Variants in ME2 observed in about 807,000 individuals in gnomAD.
ME2 encodes NAD-dependent malic enzyme, mitochondrial.
ME2 carries 60 observed loss-of-function variants against 73.7 expected under a neutral mutation model. That is an observed-to-expected ratio of 0.81 (90% confidence interval 0.66 to 1.01). The LOEUF (loss-of-function observed/expected upper bound fraction) is 1.01, where lower values mean the gene tolerates loss of function less well. Among genes scored for constraint, ME2 ranks in the 50% least tolerant of loss-of-function variants. The probability of loss-of-function intolerance (pLI) is 0.00; values close to 1 mark genes in which losing one functional copy is unlikely to be tolerated. For missense variants in ME2, 594 were observed against 705.5 expected (o/e 0.84, Z 1.79); for synonymous variants, 199 against 236.9 (o/e 0.84, Z 1.47).
chr18:50,924,136 TACTC>T lies in ME2; in HGVS notation c.1101_1104del (p.His367GlnfsTer14). 6.2e-7 allele frequency: 1 copy of T among 1,613,574 alleles called. No individual in the cohort carries two copies. Among genetic ancestry groups the T allele is most frequent in the Non-Finnish European group, 8.5e-7 (1 of 1,179,734 alleles). ...AAATAGATAGTTATCAGGAACCATT[TACTC>T]ACTCAGCCCCAGAGAGCATACCTGA... On this transcript the variant is annotated frameshift_variant, in exon 11 of 16. Coordinates refer to ENST00000321341, the MANE Select transcript of ME2 (RefSeq NM_002396.5). LOFTEE classifies it high-confidence loss of function.
chr18:50,895,527 G>C (rs1916717408), intron 1 of ME2, among the ~76,000 whole-genome samples: 4 of 152,132 alleles, frequency 2.6e-5, no homozygotes, highest in Admixed American at 2.6e-4. Context: ...GTTACAAGTG[G>C]GAGATGCATA....
chr18:50,900,315 G>C (rs1183600053), intron 2 of ME2, among the ~76,000 whole-genome samples: 1 of 148,094 alleles, frequency 6.8e-6, no homozygotes, highest in East Asian at 2.0e-4. Flanking sequence ...TATTTATTGA[G>C]ATGGAGTCTC....
rs1045501608 is a variant in ME2, at chr18:50,953,500, A to G, written c.*6316A>G. 6.6e-6 allele frequency: 1 copy of G among 152,240 alleles called. No homozygotes were observed. The highest frequency in any genetic ancestry group is 1.5e-5 in the Non-Finnish European group (1 of 68,038). The allele number at this position is 152,240 out of a possible 1,614,324, so 9.4% of individuals were successfully genotyped here. On this transcript the variant is annotated 3_prime_UTR_variant, in exon 16 of 16. Coordinates refer to ENST00000321341, the MANE Select transcript of ME2 (RefSeq NM_002396.5). Reference sequence around the variant, plus strand: ...TCATTTAGTCTTCAGCATTTTAAGTATTCGACACGAACATTAAAGATTTGG... The same window carrying G: ...TCATTTAGTCTTCAGCATTTTAAGTGTTCGACACGAACATTAAAGATTTGG...
chr18:50,902,643 C>T (rs563884563), intron 2 of ME2, among the ~76,000 whole-genome samples: 72 of 152,228 alleles, frequency 4.7e-4, no homozygotes, highest in Non-Finnish European at 7.8e-4. Flanking sequence ...GTGATCCACT[C>T]GCCTCAGCCT....
rs57428974 is a variant in ME2, at chr18:50,941,353, C to CTTTTTTTTTTTTTTTTTTTTTTTT, written c.1587+975_1587+998dup. ...TCTTTGTGTGTATTTGTGATGGTTT[C>CTTTTTTTTTTTTTTTTTTTTTTTT]TTTTTTTTTTTTTTTTTTTTTTTTT... On this transcript the variant is annotated intron_variant, in intron 15 of 15. Transcript: ENST00000321341. Among the ~76,000 whole-genome samples the CTTTTTTTTTTTTTTTTTTTTTTTT allele has an allele frequency of 1.4e-4, 9 of 63,846 alleles. 3 individuals are homozygous for CTTTTTTTTTTTTTTTTTTTTTTTT. Among genetic ancestry groups the CTTTTTTTTTTTTTTTTTTTTTTTT allele is most frequent in the African/African-American group, 3.2e-4 (4 of 12,428 alleles). The allele number at this position is 63,846 out of a possible 152,430, so 41.9% of individuals were successfully genotyped here.
intron 14 of ME2, chr18:50,939,880 A>G (rs1371802493): frequency 8.6e-6 from 4 of 467,396 alleles, no homozygotes; most frequent in South Asian, 2.9e-5. Flanking sequence ...TGCAATTTGT[A>G]TATCTGAATA....
chr18:50,921,222 G>A (rs1460908759), intron 10 of ME2, 35 bp downstream of exon 10: 3 of 1,078,776 alleles, frequency 2.8e-6, no homozygotes, highest in South Asian at 1.5e-5. Context: ...GCAAAAGAGT[G>A]TATTATATTT....
rs780873994 is a variant in ME2, at chr18:50,939,592, C to G, written c.1440C>G (p.Leu480=). 7.4e-6 allele frequency: 12 copies of G among 1,612,198 alleles called. No homozygotes were observed. The South Asian group carries it at 1.1e-4, about 15-fold the overall frequency. ...IFPGVALAVI[L]CNTRHISDSV... ...TAGGTGTGGCTTTAGCTGTTATTCT[C>G]TGTAACACCCGGCATATTAGTGACA... The change falls in exon 14 of 16, where the codon CTC becomes CTG. Residue 480 remains leucine (L), a synonymous_variant. Transcript: ENST00000321341.
intron 4 of ME2, among the ~76,000 whole-genome samples, chr18:50,915,015 C>T (rs1441235400): frequency 1.3e-5 from 2 of 152,266 alleles, no homozygotes; most frequent in South Asian, 2.1e-4. Flanking sequence ...GACCCTTGAA[C>T]AACACAGGTG....
intron 12 of ME2, among the ~76,000 whole-genome samples, chr18:50,928,371 G>A (rs1239137821): frequency 6.6e-5 from 10 of 151,086 alleles, no homozygotes; most frequent in Admixed American, 1.3e-4. Context: ...TCAGCCTCCC[G>A]AGTAGCTGGG....
In ME2 at chr18:50,947,127, G is replaced by A. The variant is rs138216460; in HGVS notation, c.1698G>A (p.Leu566=). ...GGCGGAGTGAATATGATTCCCTGCT[G>A]CCAGATGTGTATGAATGGCCAGAAT... ...RTWRSEYDSL[L]PDVYEWPESA... Residue 566 remains leucine (L), a synonymous_variant, in exon 16 of 16, where the codon CTG becomes CTA. Coordinates refer to ENST00000321341, the MANE Select transcript of ME2 (RefSeq NM_002396.5). The A allele has an allele frequency of 6.2e-7, 1 of 1,613,846 alleles. No homozygotes were observed. Among genetic ancestry groups the A allele is most frequent in the Admixed American group, 1.7e-5 (1 of 60,002 alleles).
At chr18:50,931,648 G>A (rs973472389) in intron 12 of ME2, among the ~76,000 whole-genome samples, 16 of 151,508 alleles carry the variant, frequency 1.1e-4, no homozygotes, top group South Asian at 4.2e-4. Context: ...TTTATTGGCC[G>A]TCTACATTTT....
chr18:50,925,943 A>T (rs756553775), intron 12 of ME2, 45 bp downstream of exon 12: 5 of 1,364,796 alleles, frequency 3.7e-6, no homozygotes. Context: ...TTTTCCCTCC[A>T]CTAGCTTATT....
intron 13 of ME2, among the ~76,000 whole-genome samples, chr18:50,936,916 G>A (rs908835467): frequency 6.6e-6 from 1 of 152,098 alleles, no homozygotes; most frequent in African/African-American, 2.4e-5. Context: ...GGGCAATAGA[G>A]CGAGACCCTG....
At chr18:50,888,720 T>C (rs1019439718) in intron 1 of ME2, among the ~76,000 whole-genome samples, 44 of 152,204 alleles carry the variant, frequency 2.9e-4, no homozygotes, top group African/African-American at 1.0e-3. Context: ...ATACATACTC[T>C]AATGCTTTAG....
At chr18:50,900,445 C>A (rs1033684356) in intron 2 of ME2, among the ~76,000 whole-genome samples, 2 of 151,808 alleles carry the variant, frequency 1.3e-5, no homozygotes, top group African/African-American at 4.8e-5. Context: ...CAGGCGCCTG[C>A]CACCATGCTC....
At chr18:50,889,237 A>C (rs1338342576) in intron 1 of ME2, among the ~76,000 whole-genome samples, 1 of 152,202 alleles carries the variant, frequency 6.6e-6, no homozygotes, top group African/African-American at 2.4e-5. Context: ...CTTAGGGTAG[A>C]GCCCCTAGGC....
chr18:50,880,033 T>A (rs1489972452), intron 1 of ME2, among the ~76,000 whole-genome samples: 2 of 152,232 alleles, frequency 1.3e-5, no homozygotes, highest in East Asian at 3.8e-4. Flanking sequence ...TTTTATCATC[T>A]TCTGTCTGTG....
At chr18:50,881,975 G>C (rs1916335205) in intron 1 of ME2, among the ~76,000 whole-genome samples, 1 of 152,164 alleles carries the variant, frequency 6.6e-6, no homozygotes, top group Non-Finnish European at 1.5e-5. Flanking sequence ...CACAGAGCTA[G>C]CAAATGGCAA....
Sources: gnomAD v4.1 joint callset for allele counts (sites outside exome capture counted in the v4.1 genomes callset) on GRCh38, gnomAD v4.1.1 for gene constraint, MANE v1.5 for transcripts, NCBI Gene and HGNC (gene_info 2026-07-23, HGNC 2026-07-21) for gene names.